ACSL4: variants seen among roughly 807,000 people sequenced by gnomAD.
ACSL4 encodes the protein long-chain-fatty-acid--CoA ligase 4.
A neutral mutation model predicts 49.1 loss-of-function variants in ACSL4; 9 were observed. That is an observed-to-expected ratio of 0.18 (90% confidence interval 0.11 to 0.32). The LOEUF (loss-of-function observed/expected upper bound fraction) is 0.32, where lower values mean the gene tolerates loss of function less well. ACSL4 is among the 10% of genes least tolerant of loss of function. The pLI is 1.00. For missense variants in ACSL4, 333 were observed against 493.7 expected, an observed-to-expected ratio of 0.67 and a Z score of 3.08; for synonymous variants, 191 against 170.3, an observed-to-expected ratio of 1.12 and a Z score of -0.95.
Position 109,682,816 on chromosome X carries a change from T to G in ACSL4, c.309A>C (p.Ala103=). Residue 103 remains alanine (A), a synonymous_variant, in exon 4 of 16, where the codon GCA becomes GCC. Coordinates refer to ENST00000672401, the MANE Select transcript of ACSL4 (RefSeq NM_001318510.2). ...RVNNFGSGLT[A]LGLKPKNTIA... is the part of the protein sequence containing the mutation. ...TGGTGTTCTTTGGTTTTAGTCCCAGTGCAGTGAGTCCACTACCAAAGTTAT... is the reference window on the plus strand; with the variant it reads ...TGGTGTTCTTTGGTTTTAGTCCCAGGGCAGTGAGTCCACTACCAAAGTTAT... 1 of 1,211,697 alleles carries G rather than the reference T, an allele frequency of 8.3e-7. No homozygotes were observed. The highest frequency in any genetic ancestry group is 1.1e-6 in the Non-Finnish European group (1 of 895,223).
intron 15 of ACSL4, among the ~76,000 whole-genome samples, chrX:109,647,733 G>A (rs1371218735): frequency 2.7e-5 from 3 of 111,322 alleles, no homozygotes; most frequent in Non-Finnish European, 5.7e-5. Context: ...ATGAATCCAG[G>A]AGGTGGTTTT....
chrX:109,726,439 A>G (rs1384192378), intron 1 of ACSL4, among the ~76,000 whole-genome samples: 1 of 111,920 alleles, frequency 8.9e-6, no homozygotes, highest in African/African-American at 3.2e-5. Context: ...CAAACAAACC[A>G]ACCAACAAAC....
At chrX:109,722,206 T>C in intron 1 of ACSL4, among the ~76,000 whole-genome samples, 1 of 111,884 alleles carries the variant, frequency 8.9e-6, no homozygotes. Context: ...CAGAGGAAAT[T>C]ATAATGGGTC....
intron 15 of ACSL4, among the ~76,000 whole-genome samples, chrX:109,645,467 T>G (rs1395373835): frequency 2.7e-5 from 3 of 112,010 alleles, no homozygotes; most frequent in Non-Finnish European, 3.8e-5. Flanking sequence ...GGGTCCTGTC[T>G]GTTAGAAGGA....
intron 1 of ACSL4, among the ~76,000 whole-genome samples, chrX:109,715,750 G>C (rs1467737968): frequency 2.7e-5 from 3 of 111,558 alleles, no homozygotes; most frequent in Non-Finnish European, 5.7e-5. Flanking sequence ...TATCCACTTG[G>C]TTAAGTGGTC....
chrX:109,678,181 T>C (rs1923881404), intron 7 of ACSL4, 70 bp from the exon 8 acceptor site: 8 of 1,200,758 alleles, frequency 6.7e-6, no homozygotes, highest in Non-Finnish European at 9.0e-6. Flanking sequence ...TACCAAGAGC[T>C]TTATCATTTT....
chrX:109,726,190 C>A (rs1367712691), intron 1 of ACSL4, among the ~76,000 whole-genome samples: 1 of 112,260 alleles, frequency 8.9e-6, no homozygotes, highest in Non-Finnish European at 1.9e-5. Context: ...GAGGCTGAGG[C>A]AAGTGGATCA....
At chrX:109,730,256 T>A (rs1928323947) in intron 1 of ACSL4, among the ~76,000 whole-genome samples, 2 of 111,414 alleles carry the variant, frequency 1.8e-5, no homozygotes, top group South Asian at 7.3e-4. Flanking sequence ...TCTACAACTA[T>A]CTCAAAATAA....
intron 2 of ACSL4, among the ~76,000 whole-genome samples, chrX:109,687,080 G>A (rs1260152436): frequency 8.9e-6 from 1 of 112,000 alleles, no homozygotes; most frequent in Non-Finnish European, 1.9e-5. Flanking sequence ...TCATCTTACA[G>A]AGAAGCAAAT....
Position 109,659,427 on chromosome X carries a change from A to T in ACSL4, c.1782T>A (p.Thr594=). 1 of 1,207,013 alleles carries T rather than the reference A, an allele frequency of 8.3e-7. No homozygotes were observed. The highest frequency in any genetic ancestry group is 1.1e-6 in the Non-Finnish European group (1 of 891,564). The change falls in exon 15 of 16, where the codon ACT becomes ACA. Residue 594 remains threonine, a synonymous_variant. Transcript: ENST00000672401. ...CAGGATTATTGCAGATATCAACCCA[A>T]GTTCCTTCTACCCCTTTCTGTTGTG... The part of the protein sequence containing the change: ...LLAQQKGVEG[T]WVDICNNPAM...
At chrX:109,650,319 CA>C (rs1215684982) in intron 15 of ACSL4, among the ~76,000 whole-genome samples, 1 of 110,044 alleles carries the variant, frequency 9.1e-6, no homozygotes, top group African/African-American at 3.3e-5. Context: ...AAATGTGGCA[CA>C]TATACACCAG....
chrX:109,666,808 A>G (rs1370121483), intron 11 of ACSL4, among the ~76,000 whole-genome samples: 1 of 111,912 alleles, frequency 8.9e-6, no homozygotes. Context: ...CCAGCTACTC[A>G]GGAGGCTAAG....
At position 109,645,373 on chromosome X, in the gene ACSL4, C is replaced by T. The variant is rs12835879; in HGVS notation, c.1856-1187G>A. ...AAGTGGGTCCCTGACCCCTGACCCC[C>T]GAGCAGCCTAAATGGGAGGCACCCC... On this transcript the variant is annotated intron_variant, in intron 15 of 15. Coordinates refer to ENST00000672401, the MANE Select transcript of ACSL4 (RefSeq NM_001318510.2). Among the ~76,000 whole-genome samples, 29 of 106,310 alleles carry T rather than the reference C, an allele frequency of 2.7e-4. No individual in the cohort carries two copies. In the East Asian group the frequency reaches 5.0e-3, roughly 18 times the overall value. The allele number at this position is 106,310 out of a possible 115,157, so 92.3% of individuals were successfully genotyped here.
At chrX:109,687,010 G>GGCTGTCCTCCTT (rs1353908583) in intron 2 of ACSL4, among the ~76,000 whole-genome samples, 43 of 111,955 alleles carry the variant, frequency 3.8e-4, no homozygotes, top group Non-Finnish European at 5.1e-4. Flanking sequence ...AGCCCCTGAA[G>GGCTGTCCTCCTT]GGACTCCTTG....
In ACSL4 at chrX:109,683,278, A is replaced by G. The variant is rs764518737; in HGVS notation, c.86T>C (p.Val29Ala). 1.8e-4 allele frequency: 213 copies of G among 1,210,517 alleles called. No individual in the cohort carries two copies. The highest frequency in any genetic ancestry group is 2.3e-4 in the Non-Finnish European group (209 of 895,361). ...AGTATCTGCTCCAGGGATGTCTATTACAGCTAGTGAGTCGAAGTGTGTGAC... is the reference window on the plus strand; with the variant it reads ...AGTATCTGCTCCAGGGATGTCTATTGCAGCTAGTGAGTCGAAGTGTGTGAC... ...RSVTHFDSLA[V>A]IDIPGADTLD... The change falls in exon 3 of 16, where the codon GTA (valine) becomes GCA (alanine). Residue 29 changes from valine to alanine, a missense_variant. Val to Ala is a moderately conservative substitution (Grantham distance 64). Transcript: ENST00000672401.
chrX:109,677,238 A>G (rs1367602243), intron 8 of ACSL4, among the ~76,000 whole-genome samples: 4 of 109,838 alleles, frequency 3.6e-5, no homozygotes, highest in African/African-American at 1.3e-4. Flanking sequence ...CTGGGATTAC[A>G]GGCATGAGCC....
chrX:109,685,859 G>C (rs914175168), intron 2 of ACSL4, among the ~76,000 whole-genome samples: 9 of 110,171 alleles, frequency 8.2e-5, no homozygotes, highest in African/African-American at 3.0e-4. Flanking sequence ...CATGCTAAAT[G>C]ATACACACAA....
rs777343559 is a variant in ACSL4, at chrX:109,648,293, G to A, written c.1856-4107C>T. On this transcript the variant is annotated intron_variant, in intron 15 of 15. Transcript: ENST00000672401. ...ATCCTCAATAAAATACTGGCAAACC[G>A]AATCCAGCAGCATATCAAAAAGCTT... 3.2e-3 allele frequency among the ~76,000 whole-genome samples: 358 copies of A among 110,822 alleles called. 3 individuals carry two copies. Among genetic ancestry groups the A allele is most frequent in the African/African-American group, 0.01 (312 of 30,437 alleles).
chrX:109,711,911 T>C (rs966354907), intron 1 of ACSL4, among the ~76,000 whole-genome samples: 5 of 111,641 alleles, frequency 4.5e-5, no homozygotes, highest in African/African-American at 1.3e-4. Flanking sequence ...TGGTTCACAG[T>C]AGGTGCTGGA....
Sources: allele counts gnomAD v4.1 joint callset (sites outside exome capture counted in the v4.1 genomes callset), GRCh38; gene constraint gnomAD v4.1.1; transcripts MANE v1.5; gene names NCBI Gene and HGNC (gene_info 2026-07-23, HGNC 2026-07-21).